The following STX8 variants were observed in gnomAD, a reference collection of about 807,000 sequenced individuals.
STX8 encodes the protein syntaxin 8.
Under a neutral mutation model 37.5 loss-of-function variants are expected in STX8, and 23 were observed. The observed-to-expected ratio is 0.61, with a 90% confidence interval of 0.44 to 0.87. STX8 has a LOEUF of 0.87. Among genes scored for constraint, STX8 ranks in the 40% least tolerant of loss-of-function variants. STX8 has a pLI of 0.00. For missense variants in STX8, 313 were observed against 284.7 expected (o/e 1.10, Z -0.71); for synonymous variants, 115 against 99.1 (o/e 1.16, Z -0.95).
At chr17:9,326,825 T>C (rs1909768400) in intron 7 of STX8, among the ~76,000 whole-genome samples, 2 of 152,200 alleles carry the variant, frequency 1.3e-5, no homozygotes, top group Admixed American at 6.5e-5. Context: ...ATAACAGATT[T>C]ATTTAATCAG....
intron 7 of STX8, among the ~76,000 whole-genome samples, chr17:9,307,244 C>T (rs1909029719): frequency 6.6e-6 from 1 of 152,102 alleles, no homozygotes; most frequent in African/African-American, 2.4e-5. Flanking sequence ...TTTGCCATCC[C>T]CCCCACCAAA....
chr17:9,388,738 G>A (rs867782650), intron 6 of STX8, among the ~76,000 whole-genome samples: 2 of 151,232 alleles, frequency 1.3e-5, no homozygotes, highest in South Asian at 2.1e-4. Flanking sequence ...AGGAGGCGGG[G>A]GTTACAGTGA....
intron 2 of STX8, among the ~76,000 whole-genome samples, chr17:9,565,594 T>C (rs1283677533): frequency 2.7e-5 from 2 of 75,346 alleles, no homozygotes; most frequent in East Asian, 6.5e-4. Context: ...CCAGCCTAGG[T>C]GAGAAGAAAC....
intron 6 of STX8, among the ~76,000 whole-genome samples, chr17:9,437,465 G>T (rs1904477273): frequency 6.6e-6 from 1 of 152,200 alleles, no homozygotes; most frequent in African/African-American, 2.4e-5. Flanking sequence ...AGTAACAATG[G>T]CAGGGATTAT....
chr17:9,485,250 A>G (rs993485320), intron 6 of STX8, among the ~76,000 whole-genome samples: 2 of 152,234 alleles, frequency 1.3e-5, no homozygotes, highest in Admixed American at 6.5e-5. Flanking sequence ...GCCAAGGATG[A>G]CAGTGGCCCA....
intron 7 of STX8, among the ~76,000 whole-genome samples, chr17:9,367,802 C>T (rs1000376338): frequency 6.6e-6 from 1 of 152,158 alleles, no homozygotes; most frequent in Non-Finnish European, 1.5e-5. Context: ...AGGATCTCGG[C>T]TCACTGCAAC....
intron 7 of STX8, among the ~76,000 whole-genome samples, chr17:9,314,559 C>T (rs1332333317): frequency 6.6e-6 from 1 of 150,912 alleles, no homozygotes; most frequent in African/African-American, 2.4e-5. Flanking sequence ...ACTCCCATGC[C>T]CGGCTAATTT....
At chr17:9,280,259 G>C (rs1196988082) in intron 7 of STX8, among the ~76,000 whole-genome samples, 4 of 152,136 alleles carry the variant, frequency 2.6e-5, no homozygotes, top group Non-Finnish European at 4.4e-5. Flanking sequence ...TGAAAAAAGT[G>C]TATTAATAAC....
At chr17:9,279,780 A>G (rs1907813790) in intron 7 of STX8, among the ~76,000 whole-genome samples, 1 of 152,246 alleles carries the variant, frequency 6.6e-6, no homozygotes, top group African/African-American at 2.4e-5. Context: ...TTTCCTCTTC[A>G]AGAACTGCAG....
At chr17:9,493,836 ATATACT>A (rs1037136831) in intron 5 of STX8, among the ~76,000 whole-genome samples, 11 of 152,180 alleles carry the variant, frequency 7.2e-5, no homozygotes, top group Non-Finnish European at 1.3e-4. Context: ...ACCCATAGTG[ATATACT>A]TATAATAGTG....
chr17:9,310,207 C>G (rs114553922), intron 7 of STX8, among the ~76,000 whole-genome samples: 115 of 152,186 alleles, frequency 7.6e-4, no homozygotes, highest in Middle Eastern at 3.4e-3. Context: ...AACCAAAATC[C>G]TAATAAGAGA....
chr17:9,574,502 G>T (rs972667056), intron 1 of STX8, among the ~76,000 whole-genome samples: 5 of 151,200 alleles, frequency 3.3e-5, no homozygotes, highest in Non-Finnish European at 7.4e-5. Flanking sequence ...CTATCAAGGG[G>T]TGTATATAAC....
chr17:9,505,212 A>C, intron 4 of STX8, 50 bp from the exon 5 acceptor site: 1 of 1,567,570 alleles, frequency 6.4e-7, no homozygotes, highest in South Asian at 1.2e-5. Context: ...TGCAGCTCAA[A>C]TGCAAATTAC....
At chr17:9,472,377 G>A (rs1029064766) in intron 6 of STX8, among the ~76,000 whole-genome samples, 16 of 152,192 alleles carry the variant, frequency 1.1e-4, no homozygotes, top group Admixed American at 9.8e-4. Context: ...TTAGTGGGTA[G>A]GTGAGTATAA....
At chr17:9,354,456 G>C (rs1244295708) in intron 7 of STX8, among the ~76,000 whole-genome samples, 4 of 151,514 alleles carry the variant, frequency 2.6e-5, no homozygotes, top group African/African-American at 9.7e-5. Context: ...CGAGTGGTTG[G>C]GATTACAGGC....
At chr17:9,504,973 CAAAAAA>C (rs60041570) in intron 5 of STX8, 59 bp downstream of exon 5, 3 of 710,384 alleles carry the variant, frequency 4.2e-6, no homozygotes, top group East Asian at 1.1e-4. Flanking sequence ...GACTCCGTCT[CAAAAAA>C]AAAAAAAAAA....
chr17:9,303,693 C>G (rs529853369), intron 7 of STX8, among the ~76,000 whole-genome samples: 128 of 152,236 alleles, frequency 8.4e-4, no homozygotes, highest in African/African-American at 3.0e-3. Context: ...AGGCGGCTTT[C>G]AAAATCAGTA....
At chr17:9,419,843 A>G (rs889886539) in intron 6 of STX8, among the ~76,000 whole-genome samples, 6 of 152,240 alleles carry the variant, frequency 3.9e-5, no homozygotes, top group African/African-American at 1.4e-4. Flanking sequence ...GCAGAATCCC[A>G]TAAGATTCAC....
At chr17:9,394,645 G>A (rs751537720) in intron 6 of STX8, among the ~76,000 whole-genome samples, 34 of 151,600 alleles carry the variant, frequency 2.2e-4, no homozygotes, top group Non-Finnish European at 4.0e-4. Flanking sequence ...GATTACAGGC[G>A]TGAGCCACCG....
Sources: gnomAD v4.1 joint callset for allele counts (sites outside exome capture counted in the v4.1 genomes callset) on GRCh38, gnomAD v4.1.1 for gene constraint, MANE v1.5 for transcripts, NCBI Gene and HGNC (gene_info 2026-07-23, HGNC 2026-07-21) for gene names.